Variants in LINGO2 observed in about 807,000 individuals in gnomAD.
The protein encoded by LINGO2 is leucine-rich repeat and immunoglobulin-like domain-containing nogo receptor-interacting protein 2.
Under a neutral mutation model 30.6 loss-of-function variants are expected in LINGO2, and 14 were observed. The observed-to-expected ratio is 0.46, with a 90% CI of 0.30 to 0.72. The LOEUF (loss-of-function observed/expected upper bound fraction) is 0.72, where lower values mean the gene tolerates loss of function less well. LINGO2 is among the 30% of genes least tolerant of loss of function. LINGO2 has a pLI of 0.07. For synonymous variants in LINGO2, 317 were observed against 288.5 expected (o/e 1.10, Z -1.00); for missense variants, 729 against 751.7 (o/e 0.97, Z 0.35).
intron 4 of LINGO2, among the ~76,000 whole-genome samples, chr9:28,223,548 T>C (rs189075921): frequency 4.6e-5 from 7 of 152,186 alleles, no homozygotes; most frequent in Non-Finnish European, 1.0e-4. Context: ...AAATCAATGT[T>C]TTGTTTCATA....
At chr9:28,613,457 GAT>G (rs112395174) in intron 1 of LINGO2, among the ~76,000 whole-genome samples, 3 of 149,868 alleles carry the variant, frequency 2.0e-5, no homozygotes, top group South Asian at 4.3e-4. Flanking sequence ...ATACCCATAT[GAT>G]ATATATATAT....
At chr9:28,619,550 G>T (rs1482309427) in intron 1 of LINGO2, among the ~76,000 whole-genome samples, 1 of 152,068 alleles carries the variant, frequency 6.6e-6, no homozygotes, top group African/African-American at 2.4e-5. Flanking sequence ...TCAATTAATA[G>T]TACATTTTCT....
chr9:28,110,331 T>C (rs1413958545), intron 4 of LINGO2, among the ~76,000 whole-genome samples: 1 of 152,172 alleles, frequency 6.6e-6, no homozygotes, highest in Non-Finnish European at 1.5e-5. Context: ...AACATAGGCA[T>C]GGGCAAAGAT....
In LINGO2 at chr9:28,130,190, T is replaced by A. The variant is rs1159182263; in HGVS notation, c.-86-117785A>T. ...CTTCATTTTAACCACTGGTTTGAACTCTAGACCCTCTAAAATAGACCTTAA... is the reference window on the plus strand; with the variant it reads ...CTTCATTTTAACCACTGGTTTGAACACTAGACCCTCTAAAATAGACCTTAA... On this transcript the variant is annotated intron_variant, in intron 4 of 5. Coordinates refer to ENST00000379992, the Ensembl canonical transcript of LINGO2. This position sits in a 1 kb window ranked among gnomAD's most constrained non-coding sequence, Gnocchi z 5.2. Among the ~76,000 whole-genome samples, 1 of 152,240 alleles carries A rather than the reference T, an allele frequency of 6.6e-6. No homozygotes were observed. Among genetic ancestry groups the A allele is most frequent in the Non-Finnish European group, 1.5e-5 (1 of 68,042 alleles).
the LINGO2 span, among the ~76,000 whole-genome samples, chr9:28,847,052 C>T: frequency 6.9e-6 from 1 of 145,664 alleles, no homozygotes; most frequent in Non-Finnish European, 1.5e-5. Context: ...ACATATATTT[C>T]AGTAGCCCCA....
intron 4 of LINGO2, among the ~76,000 whole-genome samples, chr9:28,040,878 T>G (rs1824168733): frequency 6.6e-6 from 1 of 152,216 alleles, no homozygotes; most frequent in African/African-American, 2.4e-5. Flanking sequence ...ATCTACTGCC[T>G]ATTATATCAG....
intron 1 of LINGO2, among the ~76,000 whole-genome samples, chr9:28,636,117 T>G (rs1246377242): frequency 6.6e-6 from 1 of 152,134 alleles, no homozygotes; most frequent in Non-Finnish European, 1.5e-5. Context: ...GAATGATGAT[T>G]TCCAGCTTCA....
intron 1 of LINGO2, among the ~76,000 whole-genome samples, chr9:28,568,710 A>AC (rs1287191081): frequency 6.6e-6 from 1 of 151,480 alleles, no homozygotes; most frequent in African/African-American, 2.4e-5. Flanking sequence ...CTGAAAGAAA[A>AC]AATAAAAACT....
At chr9:28,924,002 G>C in the LINGO2 span, among the ~76,000 whole-genome samples, 1 of 152,164 alleles carries the variant, frequency 6.6e-6, no homozygotes, top group Admixed American at 6.5e-5. Flanking sequence ...TGCTTTTTAA[G>C]AAGCACATAA....
At chr9:28,093,426 T>C (rs1353943238) in intron 4 of LINGO2, among the ~76,000 whole-genome samples, 1 of 152,102 alleles carries the variant, frequency 6.6e-6, no homozygotes, top group Non-Finnish European at 1.5e-5. Context: ...GCTTTCAGCA[T>C]AGCAACACGT....
chr9:28,984,950 T>C, the LINGO2 span, among the ~76,000 whole-genome samples: 2 of 152,082 alleles, frequency 1.3e-5, no homozygotes, highest in African/African-American at 4.8e-5. Flanking sequence ...TTATGTGACA[T>C]ACCTCAAAAA....
chr9:28,621,310 A>C (rs148976892), intron 1 of LINGO2, among the ~76,000 whole-genome samples: 148 of 152,166 alleles, frequency 9.7e-4, no homozygotes, highest in African/African-American at 3.3e-3. Flanking sequence ...ATAATTAAGT[A>C]AGTCATATTT....
At chr9:28,327,175 A>G (rs1271882947) in intron 3 of LINGO2, among the ~76,000 whole-genome samples, 1 of 152,116 alleles carries the variant, frequency 6.6e-6, no homozygotes, top group East Asian at 1.9e-4. Flanking sequence ...CTAGACACTC[A>G]TTCTGCTGCT....
intron 4 of LINGO2, among the ~76,000 whole-genome samples, chr9:28,262,546 A>G (rs976000334): frequency 7.2e-5 from 11 of 152,012 alleles, no homozygotes; most frequent in African/African-American, 2.7e-4. Flanking sequence ...CCTCTATTCT[A>G]TTATCAGTGG....
chr9:28,181,663 T>A (rs963840719), intron 4 of LINGO2, among the ~76,000 whole-genome samples: 1 of 152,192 alleles, frequency 6.6e-6, no homozygotes, highest in Non-Finnish European at 1.5e-5. Flanking sequence ...TTACAGCTCA[T>A]TGAAAGACTG....
the LINGO2 span, among the ~76,000 whole-genome samples, chr9:28,924,121 C>T: frequency 1.3e-5 from 2 of 152,128 alleles, no homozygotes; most frequent in African/African-American, 2.4e-5. Context: ...TGGCACGTGC[C>T]CTGTGTACTA....
chr9:27,959,916 C>A (rs1819752487), intron 5 of LINGO2, among the ~76,000 whole-genome samples: 1 of 151,988 alleles, frequency 6.6e-6, no homozygotes, highest in Non-Finnish European at 1.5e-5. Flanking sequence ...TTCCTAAGTT[C>A]TATAGGTTTG....
At chr9:28,346,616 T>G (rs1819582732) in intron 3 of LINGO2, among the ~76,000 whole-genome samples, 1 of 152,218 alleles carries the variant, frequency 6.6e-6, no homozygotes, top group Non-Finnish European at 1.5e-5. Context: ...ATTGCCACGC[T>G]GCTTTCCACA....
At chr9:28,695,955 T>G in the LINGO2 span, among the ~76,000 whole-genome samples, 1 of 151,944 alleles carries the variant, frequency 6.6e-6, no homozygotes, top group Non-Finnish European at 1.5e-5. Flanking sequence ...CATTGATGTT[T>G]CTTTATGCTA....
Sources: allele counts gnomAD v4.1 joint callset (sites outside exome capture counted in the v4.1 genomes callset), GRCh38; gene constraint gnomAD v4.1.1; non-coding constraint Gnocchi (gnomAD v3.1); transcripts MANE v1.5; gene names NCBI Gene and HGNC (gene_info 2026-07-23, HGNC 2026-07-21).